GARNL3: variants seen among roughly 807,000 people sequenced by gnomAD.
GARNL3 encodes GTPase activating Rap/RanGAP domain like 3.
Under a neutral mutation model 125.0 loss-of-function variants are expected in GARNL3, and 63 were observed. The observed-to-expected ratio is 0.50, with a 90% CI of 0.41 to 0.62. The LOEUF (loss-of-function observed/expected upper bound fraction) is 0.62. Among genes scored for constraint, GARNL3 ranks in the 20% least tolerant of loss-of-function variants. The pLI, the probability that GARNL3 is intolerant of heterozygous loss-of-function variation, is 0.00. For synonymous variants in GARNL3, 439 were observed against 457.5 expected (o/e 0.96, Z 0.52); for missense variants, 994 against 1,244.0 (o/e 0.80, Z 3.02).
intron 22 of GARNL3, among the ~76,000 whole-genome samples, chr9:127,368,155 C>T (rs966590507): frequency 1.1e-4 from 16 of 147,976 alleles, no homozygotes; most frequent in Non-Finnish European, 1.6e-4. Context: ...AACAGAGAGG[C>T]GACGGGATCC....
chr9:127,272,582 C>T (rs1343207943), intron 1 of GARNL3, among the ~76,000 whole-genome samples: 2 of 151,822 alleles, frequency 1.3e-5, no homozygotes, highest in Non-Finnish European at 2.9e-5. Flanking sequence ...CAGGTTCAAG[C>T]GATTCTCCTG....
intron 2 of GARNL3, among the ~76,000 whole-genome samples, chr9:127,292,206 C>T (rs1051442057): frequency 6.6e-6 from 1 of 152,224 alleles, no homozygotes; most frequent in Non-Finnish European, 1.5e-5. Context: ...GTACATTTAC[C>T]TGACCCTTGC....
At chr9:127,262,143 G>A (rs1394030133), upstream of GARNL3, among the ~76,000 whole-genome samples, 2 of 152,014 alleles carry the variant, frequency 1.3e-5, no homozygotes, top group East Asian at 1.9e-4. Context: ...ACTACTTTAG[G>A]GTGTTGCTAT....
chr9:127,357,509 T>G, intron 21 of GARNL3, 132 bp downstream of exon 21: 3 of 859,222 alleles, frequency 3.5e-6, no homozygotes, highest in Non-Finnish European at 5.3e-6. Context: ...ATTATGTGAT[T>G]CACTATTTAG....
At chr9:127,383,600 T>C (rs1339208944) in intron 23 of GARNL3, 55 bp downstream of exon 23, 2 of 1,200,770 alleles carry the variant, frequency 1.7e-6, no homozygotes, top group Admixed American at 2.0e-5. Flanking sequence ...GTCTGAACTA[T>C]TGTAAGCAAA....
intron 22 of GARNL3, among the ~76,000 whole-genome samples, chr9:127,366,567 A>G (rs776183253): frequency 6.6e-6 from 1 of 152,226 alleles, no homozygotes; most frequent in African/African-American, 2.4e-5. Context: ...TGAGACATCT[A>G]TAGAATAACT....
At chr9:127,250,691 C>T (rs761187513) in intron 2 of GARNL3, among the ~76,000 whole-genome samples, 1 of 152,112 alleles carries the variant, frequency 6.6e-6, no homozygotes, top group Non-Finnish European at 1.5e-5. Context: ...TCGAGATTTT[C>T]AGGGAGGGAG....
intron 1 of GARNL3, among the ~76,000 whole-genome samples, chr9:127,276,566 G>A (rs1361866385): frequency 3.9e-5 from 6 of 152,112 alleles, no homozygotes; most frequent in Non-Finnish European, 7.3e-5. Context: ...CTGTGCATGG[G>A]CGCATTTGCC....
intron 21 of GARNL3, 113 bp downstream of exon 21, chr9:127,357,490 C>G (rs1229609103): frequency 2.0e-6 from 2 of 993,388 alleles, no homozygotes; most frequent in African/African-American, 3.2e-5. Flanking sequence ...TACTATTCAT[C>G]ACATCAGTAT....
At chr9:127,369,390 C>T (rs777852899) in intron 22 of GARNL3, among the ~76,000 whole-genome samples, 2 of 152,232 alleles carry the variant, frequency 1.3e-5, no homozygotes, top group Non-Finnish European at 2.9e-5. Flanking sequence ...CAAGAAAGAG[C>T]TGTGCCTGGA....
At chr9:127,275,352 G>A (rs1463903164) in intron 1 of GARNL3, among the ~76,000 whole-genome samples, 1 of 152,100 alleles carries the variant, frequency 6.6e-6, no homozygotes, top group East Asian at 1.9e-4. Context: ...TCTTTTTTTA[G>A]GCCCTCAGAG....
intron 1 of GARNL3, among the ~76,000 whole-genome samples, chr9:127,284,296 G>A (rs2064183503): frequency 6.6e-6 from 1 of 152,028 alleles, no homozygotes; most frequent in African/African-American, 2.4e-5. Context: ...GATGATATTG[G>A]CATAATTTCA....
At chr9:127,284,104 G>A (rs1261004983) in intron 1 of GARNL3, among the ~76,000 whole-genome samples, 1 of 151,682 alleles carries the variant, frequency 6.6e-6, no homozygotes, top group African/African-American at 2.4e-5. Flanking sequence ...TAGCTCCGGT[G>A]TGGAGCATCA....
rs1433546557 is a variant in GARNL3, at chr9:127,335,252, A to G, written c.792A>G (p.Ser264=). The stretch of plus-strand genomic sequence containing the variant: ...CAGATGATACCACAGGGATACATTC[A>G]GTTTATACTGTGTACCAAGGGCATG... The part of the protein sequence containing the change: ...DTKNDTTGIH[S]VYTVYQGHEI... The change falls in exon 10 of 28, where the codon TCA becomes TCG. Residue 264 remains serine (S), a synonymous_variant. Transcript: ENST00000373387. 6.2e-7 allele frequency: 1 copy of G among 1,613,252 alleles called. No homozygotes were observed. The highest frequency in any genetic ancestry group is 1.7e-5 in the Admixed American group (1 of 60,032).
rs1242744668 is a variant in GARNL3 at position 127,243,163 on chromosome 9, GA to G, written c.60del (p.Ala21GlnfsTer22). On this transcript the variant is annotated frameshift_variant, in exon 2 of 11. Transcript: ENST00000439286. LOFTEE classifies it high-confidence loss of function. ...GTCAGATAGCACAAACCATTCTATG[GA>G]AAGCAAAGTCGTCTCTCTCCTTCGG... 1 of 1,366,260 alleles carries G rather than the reference GA, an allele frequency of 7.3e-7. No individual in the cohort carries two copies. Among genetic ancestry groups the G allele is most frequent in the African/African-American group, 1.5e-5 (1 of 67,858 alleles). The allele number at this position is 1,366,260 out of a possible 1,614,324, so 84.6% of individuals were successfully genotyped here. A position where few individuals can be genotyped will look rare whatever the true frequency, so the allele number is the denominator to read the frequency against.
At chr9:127,265,457 G>A (rs1004991810) in intron 1 of GARNL3, among the ~76,000 whole-genome samples, 1 of 151,958 alleles carries the variant, frequency 6.6e-6, no homozygotes, top group African/African-American at 2.4e-5. Flanking sequence ...ATTTATGAGA[G>A]CTGTTTTTCC....
At chr9:127,333,376 C>T (rs1467746645) in intron 9 of GARNL3, among the ~76,000 whole-genome samples, 1 of 152,198 alleles carries the variant, frequency 6.6e-6, no homozygotes, top group Non-Finnish European at 1.5e-5. Context: ...TATTACTGCT[C>T]AGCACCATCT....
intron 2 of GARNL3, among the ~76,000 whole-genome samples, chr9:127,299,381 C>T (rs978385132): frequency 7.9e-5 from 12 of 151,150 alleles, no homozygotes; most frequent in Non-Finnish European, 1.8e-4. Context: ...TGACTAAATT[C>T]TATTCCATGC....
chr9:127,291,298 G>A (rs935140752), intron 2 of GARNL3, 56 bp downstream of exon 2: 8 of 1,456,464 alleles, frequency 5.5e-6, no homozygotes, highest in Non-Finnish European at 7.7e-6. Flanking sequence ...TATAGTGCCT[G>A]GGATATAGCA....
Sources: allele counts gnomAD v4.1 joint callset (sites outside exome capture counted in the v4.1 genomes callset), GRCh38; gene constraint gnomAD v4.1.1; transcripts MANE v1.5; gene names NCBI Gene and HGNC (gene_info 2026-07-23, HGNC 2026-07-21).